Variants in ATG5 observed in about 807,000 individuals in gnomAD.
ATG5 encodes autophagy related 5.
ATG5 carries 14 observed loss-of-function variants against 36.5 expected under a neutral mutation model. The ratio of observed to expected loss-of-function variants is 0.38; its 90% CI spans 0.25 to 0.60. The LOEUF is 0.60. Ranked by LOEUF, ATG5 falls within the 20% of genes least tolerant of loss-of-function variation. The pLI, the probability that ATG5 is intolerant of heterozygous loss-of-function variation, is 0.60. For missense variants in ATG5, 195 were observed against 326.7 expected (o/e 0.60, Z 3.11); for synonymous variants, 95 against 101.5 (o/e 0.94, Z 0.38).
intron 6 of ATG5, among the ~76,000 whole-genome samples, chr6:106,246,392 T>TCTCTCTCA (rs1387498156): frequency 1.1e-4 from 14 of 129,568 alleles, no homozygotes; most frequent in African/African-American, 3.5e-4. Context: ...TCTCTCTCTC[T>TCTCTCTCA]CACACACACA....
intron 4 of ATG5, among the ~76,000 whole-genome samples, chr6:106,282,950 C>T (rs1779937526): frequency 6.6e-6 from 1 of 152,032 alleles, no homozygotes; most frequent in African/African-American, 2.4e-5. Flanking sequence ...CCACACTCAG[C>T]TAATTTTTTT....
In ATG5 at chr6:106,186,351, A is replaced by T. The variant is rs1187842807; in HGVS notation, c.*189T>A. Reference sequence around the variant, plus strand: ...AGGTTTAATGATGGCAGTGGAGGAAAGCAGAGGTGATGCAAAGTAAGACCA... The same window carrying T: ...AGGTTTAATGATGGCAGTGGAGGAATGCAGAGGTGATGCAAAGTAAGACCA... On this transcript the variant is annotated 3_prime_UTR_variant, in exon 8 of 8. Transcript: ENST00000369076. 1.7e-6 allele frequency: 1 copy of T among 594,722 alleles called. No homozygotes were observed. The highest frequency in any genetic ancestry group is 3.2e-5 in the Admixed American group (1 of 30,980). 36.8% of individuals were successfully genotyped at this position (594,722 alleles called of 1,614,324 possible). A position where few individuals can be genotyped will look rare whatever the true frequency, so the allele number is the denominator to read the frequency against.
At chr6:106,317,357 C>T (rs1415344567) in intron 1 of ATG5, among the ~76,000 whole-genome samples, 2 of 152,210 alleles carry the variant, frequency 1.3e-5, no homozygotes, top group Middle Eastern at 3.4e-3. Context: ...ACGAGTTTAG[C>T]CAAATATAAA....
chr6:106,259,139 T>C (rs1261645696), intron 5 of ATG5, among the ~76,000 whole-genome samples: 1 of 152,200 alleles, frequency 6.6e-6, no homozygotes, highest in Non-Finnish European at 1.5e-5. Flanking sequence ...AACTGTTATA[T>C]AACAACTAAT....
chr6:106,247,559 T>C (rs1177538424), intron 6 of ATG5, among the ~76,000 whole-genome samples: 2 of 152,208 alleles, frequency 1.3e-5, no homozygotes, highest in Non-Finnish European at 2.9e-5. Flanking sequence ...TCATCGCTCC[T>C]GGGGGAATAC....
intron 6 of ATG5, among the ~76,000 whole-genome samples, chr6:106,216,471 T>C (rs1258973556): frequency 6.6e-6 from 1 of 152,012 alleles, no homozygotes; most frequent in Admixed American, 6.6e-5. Flanking sequence ...AAAAACAATA[T>C]GCAAGCAAAA....
intron 6 of ATG5, among the ~76,000 whole-genome samples, chr6:106,220,468 G>A (rs552785725): frequency 1.3e-5 from 2 of 152,266 alleles, no homozygotes; most frequent in East Asian, 3.9e-4. Context: ...ATCCTGATAT[G>A]AAATGTCAAA....
chr6:106,229,469 A>G (rs1221943857), intron 6 of ATG5, among the ~76,000 whole-genome samples: 1 of 152,138 alleles, frequency 6.6e-6, no homozygotes, highest in East Asian at 1.9e-4. Flanking sequence ...ACAGGGAGAG[A>G]GACAGAGAGG....
intron 2 of ATG5, among the ~76,000 whole-genome samples, chr6:106,315,477 A>G (rs937101336): frequency 2.0e-5 from 3 of 152,208 alleles, no homozygotes; most frequent in African/African-American, 7.2e-5. Context: ...ATCAGAAGAC[A>G]TTTGAAAAGT....
At chr6:106,218,485 G>C (rs1225251405) in intron 6 of ATG5, among the ~76,000 whole-genome samples, 1 of 152,136 alleles carries the variant, frequency 6.6e-6, no homozygotes, top group Non-Finnish European at 1.5e-5. Flanking sequence ...GGCTTAGAAA[G>C]GCATGTAGGT....
chr6:106,306,891 C>T (rs1770467774), intron 3 of ATG5, among the ~76,000 whole-genome samples: 1 of 152,130 alleles, frequency 6.6e-6, no homozygotes, highest in African/African-American at 2.4e-5. Flanking sequence ...ATCTATGCTG[C>T]GTGAGGTCTA....
intron 5 of ATG5, among the ~76,000 whole-genome samples, chr6:106,256,578 T>C (rs1562240446): frequency 6.6e-6 from 1 of 151,966 alleles, no homozygotes; most frequent in Non-Finnish European, 1.5e-5. Flanking sequence ...GCGAACATCA[T>C]AGAATGTACT....
At chr6:106,289,776 CA>C (rs578134552) in intron 4 of ATG5, among the ~76,000 whole-genome samples, 2 of 151,538 alleles carry the variant, frequency 1.3e-5, no homozygotes, top group Admixed American at 6.6e-5. Flanking sequence ...ACAACAACAA[CA>C]AAAAAAACAG....
intron 6 of ATG5, among the ~76,000 whole-genome samples, chr6:106,245,750 G>A (rs1005389131): frequency 6.6e-6 from 1 of 151,888 alleles, no homozygotes; most frequent in African/African-American, 2.4e-5. Flanking sequence ...AATTTACTTA[G>A]TAACTTAAGG....
intron 6 of ATG5, among the ~76,000 whole-genome samples, chr6:106,229,130 C>A (rs190364895): frequency 6.6e-6 from 1 of 152,224 alleles, no homozygotes; most frequent in Non-Finnish European, 1.5e-5. Flanking sequence ...TTCCTCTGAT[C>A]CCTGCCTCCT....
At chr6:106,260,818 C>T (rs1449793572) in intron 5 of ATG5, among the ~76,000 whole-genome samples, 1 of 152,144 alleles carries the variant, frequency 6.6e-6, no homozygotes, top group African/African-American at 2.4e-5. Context: ...TATTAATATA[C>T]AGAATTTTAA....
chr6:106,248,199 T>A lies in ATG5; in HGVS notation c.524A>T (p.Tyr175Phe). 6.2e-7 allele frequency: 1 copy of A among 1,612,630 alleles called. No homozygotes were observed. Among genetic ancestry groups the A allele is most frequent in the South Asian group, 1.1e-5 (1 of 91,040 alleles). The change falls in exon 6 of 8, where the codon TAT becomes TTT. Residue 175 changes from tyrosine (Y) to phenylalanine (F), a missense_variant. By Grantham distance (22) the Tyr-to-Phe change is conservative. Transcript: ENST00000369076. ...ACGAAATCCATTTTCTTCTGCAGGA[T>A]ATTCCATGAGTTTCCGATTGATGGC... ...FWAINRKLME[Y>F]PAEENGFRYI...
At chr6:106,214,332 G>C (rs762503595) in intron 6 of ATG5, among the ~76,000 whole-genome samples, 3 of 152,064 alleles carry the variant, frequency 2.0e-5, no homozygotes, top group Non-Finnish European at 2.9e-5. Flanking sequence ...GGAGTGGGTG[G>C]GAGTCTGTAG....
At chr6:106,195,185 T>G (rs1260296328) in intron 7 of ATG5, among the ~76,000 whole-genome samples, 1 of 152,240 alleles carries the variant, frequency 6.6e-6, no homozygotes, top group Non-Finnish European at 1.5e-5. Flanking sequence ...ACTAGTACAT[T>G]TGACTTTCAT....
Sources: allele counts gnomAD v4.1 joint callset (sites outside exome capture counted in the v4.1 genomes callset), GRCh38; gene constraint gnomAD v4.1.1; transcripts MANE v1.5; gene names NCBI Gene and HGNC (gene_info 2026-07-23, HGNC 2026-07-21).